Variants in LRRC7 observed in about 807,000 individuals in gnomAD.
LRRC7 encodes leucine rich repeat containing 7.
LRRC7 carries 23 observed loss-of-function variants against 175.7 expected under a neutral mutation model. That is an observed-to-expected ratio of 0.13 (90% CI 0.09 to 0.19). The LOEUF (loss-of-function observed/expected upper bound fraction) is 0.19, where lower values mean the gene tolerates loss of function less well. Ranked by LOEUF, LRRC7 falls within the 10% of genes least tolerant of loss-of-function variation. The pLI is 1.00. For missense variants in LRRC7, 1,354 were observed against 1,904.7 expected (o/e 0.71, Z 5.38); for synonymous variants, 685 against 680.9 (o/e 1.01, Z -0.09).
intron 1 of LRRC7, among the ~76,000 whole-genome samples, chr1:69,592,079 T>C (rs763525771): frequency 3.9e-5 from 6 of 152,058 alleles, no homozygotes; most frequent in Admixed American, 2.0e-4. Context: ...TACATTACTT[T>C]GTGCTGCTTG....
In LRRC7 at chr1:69,951,136, G is replaced by A. The variant is rs955297522; in HGVS notation, c.711+19566G>A. ...TAAAAAGAGAACAAAGGACATGAACGTACTTTTCAAAAGAAGACATACATG... is the reference window on the plus strand; with the variant it reads ...TAAAAAGAGAACAAAGGACATGAACATACTTTTCAAAAGAAGACATACATG... On this transcript the variant is annotated intron_variant, in intron 8 of 26. Transcript: ENST00000651989. 1.9e-4 allele frequency among the ~76,000 whole-genome samples: 28 copies of A among 149,376 alleles called. No individual in the cohort carries two copies. In the East Asian group the frequency reaches 2.3e-3, roughly 12 times the overall value.
At chr1:69,731,018 T>C (rs1044796426) in intron 2 of LRRC7, among the ~76,000 whole-genome samples, 2 of 151,918 alleles carry the variant, frequency 1.3e-5, no homozygotes, top group Non-Finnish European at 1.5e-5. Context: ...CCATGAGATC[T>C]CGGCCGGGTG....
Position 70,135,655 on chromosome 1 carries a change from T to C in LRRC7, c.*13768T>C, listed in dbSNP as rs748826449. 1.3e-5 allele frequency among the ~76,000 whole-genome samples: 2 copies of C among 152,218 alleles called. No homozygotes were observed. The highest frequency in any genetic ancestry group is 2.9e-5 in the Non-Finnish European group (2 of 68,038). Reference sequence around the variant, plus strand: ...ATATTCAAGACTTCACTTTTATTGATGATCATTAAGCTAGAATCTGTAAAA... The same window carrying C: ...ATATTCAAGACTTCACTTTTATTGACGATCATTAAGCTAGAATCTGTAAAA... On this transcript the variant is annotated 3_prime_UTR_variant, in exon 27 of 27. Coordinates refer to ENST00000651989, the MANE Select transcript of LRRC7 (RefSeq NM_001370785.2).
At chr1:69,896,455 C>T (rs1160693686) in intron 7 of LRRC7, among the ~76,000 whole-genome samples, 3 of 152,006 alleles carry the variant, frequency 2.0e-5, no homozygotes, top group South Asian at 4.1e-4. Flanking sequence ...ATCTTGATGT[C>T]GATTACACAG....
intron 7 of LRRC7, among the ~76,000 whole-genome samples, chr1:69,915,422 T>A (rs1646655786): frequency 6.6e-6 from 1 of 152,168 alleles, no homozygotes; most frequent in African/African-American, 2.4e-5. Context: ...AAGAACTGTT[T>A]CATCTTCTGC....
intron 8 of LRRC7, among the ~76,000 whole-genome samples, chr1:69,955,200 G>A (rs552133999): frequency 8.2e-4 from 124 of 152,116 alleles, no homozygotes; most frequent in Middle Eastern, 3.4e-3. Flanking sequence ...CAAAAGTAAA[G>A]TAAAAACAGA....
rs1571392573 is a variant in LRRC7 at position 70,126,877 on chromosome 1, A to G, written c.*4990A>G. On this transcript the variant is annotated 3_prime_UTR_variant, in exon 27 of 27. Coordinates refer to ENST00000651989, the MANE Select transcript of LRRC7 (RefSeq NM_001370785.2). ...TAGCGTGTAAAACTGACCTGTCTTC[A>G]TTGCTGCAGTTGCTGCTATAGATCC... is the stretch of plus-strand genomic sequence containing the variant. Among the ~76,000 whole-genome samples the G allele has an allele frequency of 6.6e-6, 1 of 152,202 alleles. No individual in the cohort carries two copies. The highest frequency in any genetic ancestry group is 1.5e-5 in the Non-Finnish European group (1 of 68,024).
In LRRC7 at chr1:69,781,941, A is replaced by AAAGAAAGAGAGG. The variant is rs1557721432; in HGVS notation, c.304-10102_304-10101insAAGAAAGAGAGG. Among the ~76,000 whole-genome samples, 401 of 134,094 alleles carry AAAGAAAGAGAGG rather than the reference A, an allele frequency of 3.0e-3. 3 individuals carry two copies. Among genetic ancestry groups the AAAGAAAGAGAGG allele is most frequent in the African/African-American group, 0.012 (378 of 32,196 alleles). 88.0% of individuals were successfully genotyped at this position (134,094 alleles called of 152,430 possible). Reference sequence around the variant, plus strand: ...GAAAGAAAGAAAGAAAGAAAGAAAGAGAAAAGAAAAGAAAGAAAGAAAGAA... The same window carrying AAAGAAAGAGAGG: ...GAAAGAAAGAAAGAAAGAAAGAAAGAAAGAAAGAGAGGGAAAAGAAAAGAAAGAAAGAAAGAA... On this transcript the variant is annotated intron_variant, in intron 3 of 26. Transcript: ENST00000651989.
intron 7 of LRRC7, among the ~76,000 whole-genome samples, chr1:69,851,922 A>G (rs1683035617): frequency 6.6e-6 from 1 of 152,192 alleles, no homozygotes; most frequent in African/African-American, 2.4e-5. Flanking sequence ...ACAAGGAAAC[A>G]TAGGTTGTTT....
intron 7 of LRRC7, among the ~76,000 whole-genome samples, chr1:69,853,093 C>T (rs947814556): frequency 7.9e-5 from 12 of 151,872 alleles, no homozygotes; most frequent in Admixed American, 7.2e-4. Flanking sequence ...GTAGATCCTC[C>T]TTATAAAGCT....
In LRRC7 at chr1:69,717,806, GA is replaced by G. The variant is rs1486868059; in HGVS notation, c.100+39331del. Among the ~76,000 whole-genome samples the G allele has an allele frequency of 2.5e-3, 54 of 21,712 alleles. 6 individuals carry two copies. The highest frequency in any genetic ancestry group is 0.013 in the African/African-American group (44 of 3,464). The allele number at this position is 21,712 out of a possible 152,430, so 14.2% of individuals were successfully genotyped here. ...AGAAAGAAAGAAAGAAAGAAAGAAA[GA>G]AAGAAAGAAAGAAAGAAAGAAAGAA... On this transcript the variant is annotated intron_variant, in intron 2 of 26. Transcript: ENST00000651989.
rs555559385 is a variant in LRRC7 at position 70,062,351 on chromosome 1, C to T, written c.4230+9206C>T. ...CTCAAATCAAGTTGCACTCCTTTTA[C>T]GTAACTTTGCCAGTAATCTTATTCA... On this transcript the variant is annotated intron_variant, in intron 23 of 26. Transcript: ENST00000651989. 1.1e-4 allele frequency among the ~76,000 whole-genome samples: 16 copies of T among 152,208 alleles called. No individual in the cohort carries two copies. In the South Asian group the frequency reaches 1.7e-3, roughly 16 times the overall value.
At chr1:69,601,916 A>G (rs1647090567) in intron 1 of LRRC7, among the ~76,000 whole-genome samples, 2 of 152,170 alleles carry the variant, frequency 1.3e-5, no homozygotes, top group African/African-American at 2.4e-5. Flanking sequence ...GGGTACCTCC[A>G]CTGGTTCACA....
chr1:69,759,330 GCCC>G (rs1670781998), intron 2 of LRRC7, among the ~76,000 whole-genome samples: 1 of 151,862 alleles, frequency 6.6e-6, no homozygotes, highest in Non-Finnish European at 1.5e-5. Context: ...AATAATCACT[GCCC>G]TGAAAGGCCT....
chr1:69,585,358 C>T (rs1646364822), intron 1 of LRRC7, among the ~76,000 whole-genome samples: 1 of 152,056 alleles, frequency 6.6e-6, no homozygotes. Flanking sequence ...AAAAGGGAAG[C>T]ATATACAATT....
intron 1 of LRRC7, among the ~76,000 whole-genome samples, chr1:69,639,667 C>G (rs1653913875): frequency 1.3e-5 from 2 of 151,690 alleles, no homozygotes; most frequent in Admixed American, 6.6e-5. Flanking sequence ...TCCAGGAAAC[C>G]AAGTCACTTA....
intron 8 of LRRC7, among the ~76,000 whole-genome samples, chr1:69,956,394 T>A (rs114805354): frequency 0.025 from 3,856 of 151,908 alleles, 103 homozygotes; most frequent in Admixed American, 0.082. Context: ...GGTAAGTACT[T>A]GTTAAATTTT....
chr1:69,727,939 G>T (rs1667154168), intron 2 of LRRC7, among the ~76,000 whole-genome samples: 1 of 152,110 alleles, frequency 6.6e-6, no homozygotes, highest in South Asian at 2.1e-4. Flanking sequence ...TCCCAGAAGG[G>T]ATTTGAATCA....
At chr1:69,998,249 C>T (rs1005240044) in intron 11 of LRRC7, among the ~76,000 whole-genome samples, 3 of 152,066 alleles carry the variant, frequency 2.0e-5, no homozygotes, top group African/African-American at 4.8e-5. Context: ...ATGAAGACAG[C>T]GAAAATGTCT....
Sources: allele counts gnomAD v4.1 joint callset (sites outside exome capture counted in the v4.1 genomes callset), GRCh38; gene constraint gnomAD v4.1.1; transcripts MANE v1.5; gene names NCBI Gene and HGNC (gene_info 2026-07-23, HGNC 2026-07-21).